ANKRD30A: variants seen among roughly 807,000 people sequenced by gnomAD.
ANKRD30A encodes the protein ankyrin repeat domain 30A.
A neutral mutation model predicts 166.3 loss-of-function variants in ANKRD30A; 170 were observed. The ratio of observed to expected loss-of-function variants is 1.02; its 90% CI spans 0.90 to 1.16. The LOEUF is 1.16. Among genes scored for constraint, ANKRD30A ranks in the 50% most tolerant of loss-of-function variants. The pLI is 0.00. For missense variants in ANKRD30A, 1,630 were observed against 1,518.0 expected (o/e 1.07, Z -1.23); for synonymous variants, 564 against 508.9 (o/e 1.11, Z -1.46).
chr10:37,237,781 C>G, the ANKRD30A span, among the ~76,000 whole-genome samples: 2 of 152,176 alleles, frequency 1.3e-5, no homozygotes, highest in Admixed American at 1.3e-4. Context: ...CAATGACAAC[C>G]TTTTCTTGCT....
chr10:37,248,112 C>A, the ANKRD30A span: 1 of 587,134 alleles, frequency 1.7e-6, no homozygotes, highest in South Asian at 1.4e-5. Context: ...ATTGTTCTCC[C>A]TGCAGATTTT....
chr10:37,125,963 A>C lies in ANKRD30A; in HGVS notation c.176A>C (p.Lys59Thr), dbSNP rs771146506. Residue 59 changes from lysine to threonine, a missense_variant, in exon 1 of 36, where the codon AAG (lysine) becomes ACG (threonine). Lys to Thr is a moderately conservative substitution (Grantham distance 78). This residue lies in a region of ANKRD30A where 904 missense variants were observed against 818.5 expected (regional missense o/e 1.10). Coordinates refer to ENST00000361713, the MANE Select transcript of ANKRD30A (RefSeq NM_052997.3). ...GTCCGGAAGCTGGAGAAGATGACAA[A>C]GAGGAAGAAGACCATCAACCTTAAT... ...GQVRKLEKMTKRKKTINLNIQ... is the reference protein window; with the variant it reads ...GQVRKLEKMTTRKKTINLNIQ... The C allele has an allele frequency of 6.2e-7, 1 of 1,611,792 alleles. No individual in the cohort carries two copies. The highest frequency in any genetic ancestry group is 8.5e-7 in the Non-Finnish European group (1 of 1,179,812).
chr10:37,212,323 G>T (rs1218533978), intron 31 of ANKRD30A, among the ~76,000 whole-genome samples: 1 of 151,956 alleles, frequency 6.6e-6, no homozygotes, highest in Non-Finnish European at 1.5e-5. Flanking sequence ...GGATGTGAAG[G>T]ACCTCTTCAA....
chr10:37,147,135 T>C (rs1191190340), intron 8 of ANKRD30A, among the ~76,000 whole-genome samples: 3 of 152,258 alleles, frequency 2.0e-5, no homozygotes, highest in Non-Finnish European at 4.4e-5. Flanking sequence ...GTCAATGTTA[T>C]TTATTTTTCA....
chr10:37,243,958 C>T, the ANKRD30A span, among the ~76,000 whole-genome samples: 1 of 152,132 alleles, frequency 6.6e-6, no homozygotes, highest in Middle Eastern at 3.4e-3. Context: ...AGTTCAGAAA[C>T]AAACAGTCAC....
chr10:37,209,967 G>A (rs1034688349), intron 31 of ANKRD30A, among the ~76,000 whole-genome samples: 1 of 151,346 alleles, frequency 6.6e-6, no homozygotes, highest in Admixed American at 6.6e-5. Context: ...AGTTAAAAAG[G>A]TTTTCTTATA....
the ANKRD30A span, among the ~76,000 whole-genome samples, chr10:37,255,140 A>G: frequency 6.6e-6 from 1 of 152,200 alleles, no homozygotes; most frequent in Admixed American, 6.5e-5. Context: ...TTTTTATCCT[A>G]AGAGTTTTAT....
intron 31 of ANKRD30A, among the ~76,000 whole-genome samples, chr10:37,212,632 C>T (rs1435382445): frequency 6.6e-6 from 1 of 152,002 alleles, no homozygotes; most frequent in Non-Finnish European, 1.5e-5. Flanking sequence ...CACAAGGCTA[C>T]AGTAACCAAA....
At chr10:37,243,205 G>A in the ANKRD30A span, among the ~76,000 whole-genome samples, 1 of 150,638 alleles carries the variant, frequency 6.6e-6, no homozygotes, top group African/African-American at 2.4e-5. Flanking sequence ...CACGATCTCG[G>A]CTCACTGCAA....
At chr10:37,158,472 T>C in intron 14 of ANKRD30A, 42 bp from the exon 15 acceptor site, 1 of 1,613,062 alleles carries the variant, frequency 6.2e-7, no homozygotes, top group Non-Finnish European at 8.5e-7. Flanking sequence ...TTTTATGAAG[T>C]ATACATTGTA....
At chr10:37,199,551 A>G (rs1564557323) in intron 29 of ANKRD30A, among the ~76,000 whole-genome samples, 176 bp from the exon 30 acceptor site, 2 of 152,092 alleles carry the variant, frequency 1.3e-5, no homozygotes, top group African/African-American at 2.4e-5. Flanking sequence ...CAGACTTTTC[A>G]GATTTCAATT....
intron 34 of ANKRD30A, among the ~76,000 whole-genome samples, chr10:37,228,112 G>A (rs1219540664): frequency 6.6e-6 from 1 of 151,750 alleles, no homozygotes; most frequent in Non-Finnish European, 1.5e-5. Flanking sequence ...CATATTTTTT[G>A]GAATAAATAT....
At position 37,147,386 on chromosome 10, in the gene ANKRD30A, C is replaced by A. The variant is rs1837583468; in HGVS notation, c.1472C>A (p.Ser491Tyr). ...TTTTAACAGAGTCTCTTTGAGAGTTCTGCAAAGATTCAAGTGTGTATACCT... is the reference window on the plus strand; with the variant it reads ...TTTTAACAGAGTCTCTTTGAGAGTTATGCAAAGATTCAAGTGTGTATACCT... ...SCDSRSLFES[S>Y]AKIQVCIPES... is the part of the protein sequence containing the mutation. Residue 491 changes from serine (S) to tyrosine (Y), a missense_variant, in exon 9 of 36, where the codon TCT (serine) becomes TAT (tyrosine). Ser to Tyr is a moderately radical substitution (Grantham distance 144). Coordinates refer to ENST00000361713, the MANE Select transcript of ANKRD30A (RefSeq NM_052997.3). 1 of 1,593,226 alleles carries A rather than the reference C, an allele frequency of 6.3e-7. No individual in the cohort carries two copies. Among genetic ancestry groups the A allele is most frequent in the Non-Finnish European group, 8.6e-7 (1 of 1,169,482 alleles).
the ANKRD30A span, chr10:37,241,887 T>G: frequency 6.6e-6 from 1 of 152,308 alleles, no homozygotes; most frequent in South Asian, 2.1e-4. Context: ...AAGAACTTTC[T>G]TTCTCTGAAC....
Position 37,132,226 on chromosome 10 carries a change from T to A in ANKRD30A, c.511-14T>A. The A allele has an allele frequency of 1.3e-6, 2 of 1,521,412 alleles. No homozygotes were observed. The highest frequency in any genetic ancestry group is 1.8e-6 in the Non-Finnish European group (2 of 1,121,462). The allele number at this position is 1,521,412 out of a possible 1,614,324, so 94.2% of individuals were successfully genotyped here. Reference sequence around the variant, plus strand: ...GTAATTTCATGAATTATAAATTGTTTTGCTATTTTACAGGCTAGCCTCACA... The same window carrying A: ...GTAATTTCATGAATTATAAATTGTTATGCTATTTTACAGGCTAGCCTCACA... On this transcript the variant is annotated splice_polypyrimidine_tract_variant and intron_variant, in intron 3 of 35. Transcript: ENST00000361713.
intron 9 of ANKRD30A, 121 bp downstream of exon 9, chr10:37,147,578 G>A (rs1207758969): frequency 1.1e-5 from 6 of 555,886 alleles, no homozygotes; most frequent in Non-Finnish European, 1.8e-5. Context: ...CGAAAAGAGA[G>A]GAGTAAAATG....
intron 31 of ANKRD30A, among the ~76,000 whole-genome samples, chr10:37,213,914 A>G (rs918126542): frequency 1.3e-5 from 2 of 151,540 alleles, no homozygotes; most frequent in Non-Finnish European, 3.0e-5. Flanking sequence ...ATGATCTAGA[A>G]TATAGTCTTT....
At chr10:37,144,841 T>G (rs1323993048) in intron 7 of ANKRD30A, among the ~76,000 whole-genome samples, 154 bp from the exon 8 acceptor site, 3 of 152,242 alleles carry the variant, frequency 2.0e-5, no homozygotes, top group Admixed American at 6.5e-5. Flanking sequence ...TCTAACCATT[T>G]GACTATAGAA....
chr10:37,143,862 A>AATTAC, intron 7 of ANKRD30A, among the ~76,000 whole-genome samples: 1 of 152,192 alleles, frequency 6.6e-6, no homozygotes, highest in South Asian at 2.1e-4. Context: ...GATGGAGGGT[A>AATTAC]ATTACATAAA....
Sources: allele counts gnomAD v4.1 joint callset (sites outside exome capture counted in the v4.1 genomes callset), GRCh38; gene constraint gnomAD v4.1.1; regional missense constraint gnomAD v4.1.1; transcripts MANE v1.5; gene names NCBI Gene and HGNC (gene_info 2026-07-23, HGNC 2026-07-21).